ZNF365: variants seen among roughly 807,000 people sequenced by gnomAD.
ZNF365 encodes the protein protein ZNF365.
ZNF365 carries 22 observed loss-of-function variants against 35.0 expected under a neutral mutation model. The observed-to-expected ratio is 0.63, with a 90% confidence interval of 0.45 to 0.90. The LOEUF (loss-of-function observed/expected upper bound fraction) is 0.90. Among genes scored for constraint, ZNF365 ranks in the 40% least tolerant of loss-of-function variants. The pLI is 0.00. For missense variants in ZNF365, 448 were observed against 500.3 expected (o/e 0.90, Z 1.00); for synonymous variants, 188 against 196.2 (o/e 0.96, Z 0.35).
intron 3 of ZNF365, among the ~76,000 whole-genome samples, chr10:62,415,259 A>G (rs1343152048): frequency 1.3e-5 from 2 of 152,090 alleles, no homozygotes; most frequent in African/African-American, 4.8e-5. Context: ...ACTGCATGTA[A>G]GAATTATATA....
intron 3 of ZNF365, among the ~76,000 whole-genome samples, chr10:62,388,875 A>G (rs1446302081): frequency 6.6e-6 from 1 of 152,246 alleles, no homozygotes; most frequent in Non-Finnish European, 1.5e-5. Flanking sequence ...TGAAGTATCC[A>G]AAGAAATCAT....
intron 3 of ZNF365, among the ~76,000 whole-genome samples, chr10:62,443,124 G>A (rs1017696143): frequency 4.6e-5 from 7 of 152,212 alleles, no homozygotes; most frequent in East Asian, 1.9e-4. Context: ...ACCAGTGCCC[G>A]TGATGACCTT....
chr10:62,376,622 G>T lies in ZNF365; in HGVS notation c.429G>T (p.Arg143=). Residue 143 remains arginine, a synonymous_variant, in exon 2 of 5, where the codon CGG becomes CGT. Coordinates refer to ENST00000395254, the MANE Select transcript of ZNF365 (RefSeq NM_014951.3). ...DLHADSLDGT[R]SGPGLPTSDT... The stretch of plus-strand genomic sequence containing the variant: ...ATGCAGACTCGCTGGATGGGACACG[G>T]TCGGGTCCTGGACTGCCCACCTCAG... 6.2e-7 allele frequency: 1 copy of T among 1,614,198 alleles called. No individual in the cohort carries two copies. Among genetic ancestry groups the T allele is most frequent in the South Asian group, 1.1e-5 (1 of 91,090 alleles).
Position 62,461,882 on chromosome 10 carries a change from A to G in ZNF365, c.981+2085A>G, listed in dbSNP as rs143139540. 2.2e-3 allele frequency among the ~76,000 whole-genome samples: 338 copies of G among 152,346 alleles called. 5 individuals carry two copies. The highest frequency in any genetic ancestry group is 9.1e-4 in the Non-Finnish European group (62 of 68,026). On this transcript the variant is annotated intron_variant, in intron 4 of 4. Transcript: ENST00000395255. ...AATCCCTTCGACAATAAGCAAACCT[A>G]TCAACTTATATTAAAAATATAGAGG...
chr10:62,446,025 C>T (rs1009717292), intron 3 of ZNF365, among the ~76,000 whole-genome samples: 2 of 152,102 alleles, frequency 1.3e-5, no homozygotes, highest in Middle Eastern at 3.2e-3. Flanking sequence ...TGAGCAGTTC[C>T]CACTCACATA....
intron 3 of ZNF365, among the ~76,000 whole-genome samples, chr10:62,440,020 T>G (rs1247212803): frequency 6.6e-6 from 1 of 152,200 alleles, no homozygotes; most frequent in African/African-American, 2.4e-5. Context: ...CTTCTTGAAA[T>G]TAGTCTCATA....
At chr10:62,480,095 G>A in exon 5 of ZNF365, 1 of 1,317,890 alleles carries the variant, frequency 7.6e-7, no homozygotes, top group South Asian at 1.6e-5. Flanking sequence ...TGAGCTCCAG[G>A]TCCTCCCTAA....
chr10:62,436,597 T>A (rs1383094562), intron 3 of ZNF365, among the ~76,000 whole-genome samples: 3 of 152,174 alleles, frequency 2.0e-5, no homozygotes, highest in Non-Finnish European at 4.4e-5. Flanking sequence ...CACCAAGAAA[T>A]TTTTATTCAC....
intron 3 of ZNF365, among the ~76,000 whole-genome samples, chr10:62,410,698 A>T (rs1322820877): frequency 2.0e-5 from 3 of 152,094 alleles, no homozygotes; most frequent in East Asian, 3.9e-4. Context: ...ACATTATCTC[A>T]TTCCTTTTTA....
intron 3 of ZNF365, among the ~76,000 whole-genome samples, chr10:62,445,501 G>A (rs1003938552): frequency 6.6e-6 from 1 of 152,150 alleles, no homozygotes; most frequent in Non-Finnish European, 1.5e-5. Context: ...GCAGGGGTGA[G>A]GCAGCCCCAA....
chr10:62,462,697 C>T (rs554259004), intron 4 of ZNF365, among the ~76,000 whole-genome samples: 2 of 152,316 alleles, frequency 1.3e-5, no homozygotes, highest in African/African-American at 4.8e-5. Context: ...GGTGTGAGAG[C>T]AGCCCAAGCA....
At chr10:62,475,096 C>G (rs1011201699) in intron 4 of ZNF365, among the ~76,000 whole-genome samples, 5 of 152,204 alleles carry the variant, frequency 3.3e-5, no homozygotes, top group Admixed American at 1.3e-4. Flanking sequence ...CATGGCCACT[C>G]TGGCAAGACA....
At position 62,376,168 on chromosome 10, in the gene ZNF365, TC is replaced by T. The variant is rs779416618; in HGVS notation, c.-13-7del. On this transcript the variant is annotated splice_polypyrimidine_tract_variant and intron_variant, in intron 1 of 4. Transcript: ENST00000395254. ...TCAGCCGACTTGTAAACTACCTATT[TC>T]CCCCCTCCCAGGACTTTTAGAGTAA... 7 of 1,611,252 alleles carry T rather than the reference TC, an allele frequency of 4.3e-6. No homozygotes were observed. Among genetic ancestry groups the T allele is most frequent in the Non-Finnish European group, 4.2e-6 (5 of 1,178,438 alleles).
chr10:62,453,549 A>C (rs1320666707), intron 3 of ZNF365, among the ~76,000 whole-genome samples: 1 of 152,220 alleles, frequency 6.6e-6, no homozygotes, highest in Admixed American at 6.5e-5. Flanking sequence ...GGACACTTAG[A>C]TTAATTCCGT....
At chr10:62,479,463 T>C (rs1841186389) in intron 4 of ZNF365, among the ~76,000 whole-genome samples, 1 of 152,220 alleles carries the variant, frequency 6.6e-6, no homozygotes, top group Admixed American at 6.5e-5. Context: ...CTTTCTTAAA[T>C]AGAAATCTTG....
At chr10:62,472,796 A>G (rs1841064513) in intron 4 of ZNF365, among the ~76,000 whole-genome samples, 1 of 152,196 alleles carries the variant, frequency 6.6e-6, no homozygotes, top group Non-Finnish European at 1.5e-5. Context: ...ACATTTCTAG[A>G]AGAAATTTAT....
At chr10:62,438,187 G>GT (rs1378165024) in intron 3 of ZNF365, among the ~76,000 whole-genome samples, 2 of 147,076 alleles carry the variant, frequency 1.4e-5, no homozygotes, top group African/African-American at 5.2e-5. Context: ...TCTTGTTTTT[G>GT]TTTTTGTTTT....
chr10:62,445,577 T>C (rs766817585), intron 3 of ZNF365, among the ~76,000 whole-genome samples: 1 of 152,174 alleles, frequency 6.6e-6, no homozygotes, highest in African/African-American at 2.4e-5. Flanking sequence ...ATCCCACCTA[T>C]TGAATGGCAC....
intron 3 of ZNF365, among the ~76,000 whole-genome samples, chr10:62,416,481 G>A (rs1369133853): frequency 6.6e-6 from 1 of 152,054 alleles, no homozygotes; most frequent in East Asian, 1.9e-4. Context: ...CAAATGGATA[G>A]CCTATTTTTC....
Sources: allele counts gnomAD v4.1 joint callset (sites outside exome capture counted in the v4.1 genomes callset), GRCh38; gene constraint gnomAD v4.1.1; transcripts MANE v1.5; gene names NCBI Gene and HGNC (gene_info 2026-07-23, HGNC 2026-07-21).